ITSN1: variants seen among roughly 807,000 people sequenced by gnomAD.
ITSN1 encodes intersectin-1.
In ITSN1, 58 loss-of-function variants were observed where a neutral mutation model predicts 239.8. The observed-to-expected ratio is 0.24, with a 90% CI of 0.20 to 0.30. ITSN1 has a LOEUF of 0.30. Among genes scored for constraint, ITSN1 ranks in the 10% least tolerant of loss-of-function variants. The pLI is 1.00. For missense variants in ITSN1, 1,558 were observed against 2,103.3 expected, an observed-to-expected ratio of 0.74 and a Z score of 5.07; for synonymous variants, 780 against 770.8, an observed-to-expected ratio of 1.01 and a Z score of -0.20.
Position 33,781,458 on chromosome 21 carries a change from C to T in ITSN1, c.1597-3C>T, listed in dbSNP as rs746851508. 2.9e-5 allele frequency: 45 copies of T among 1,551,036 alleles called. No individual in the cohort carries two copies. Among genetic ancestry groups the T allele is most frequent in the Non-Finnish European group, 3.6e-5 (41 of 1,128,498 alleles). On this transcript the variant is annotated splice_polypyrimidine_tract_variant and splice_region_variant and intron_variant, in intron 14 of 39. Transcript: ENST00000381318. ...CATTACTATTTTCCTCCTTCCTTCC[C>T]AGGAATCTCAGCAAATGCTTGGAAG...
chr21:33,679,949 G>A (rs1386077276), intron 1 of ITSN1, among the ~76,000 whole-genome samples: 3 of 151,982 alleles, frequency 2.0e-5, no homozygotes, highest in Non-Finnish European at 4.4e-5. Context: ...CCGCCTGTCT[G>A]GTCCTCCCAA....
intron 18 of ITSN1, among the ~76,000 whole-genome samples, chr21:33,799,339 A>T (rs143786706): frequency 6.6e-6 from 1 of 152,232 alleles, no homozygotes; most frequent in Admixed American, 6.5e-5. Flanking sequence ...AGCCTAAAAC[A>T]TCTGCATTTT....
At chr21:33,810,838 C>T (rs1038248235) in intron 20 of ITSN1, 137 bp from the exon 21 acceptor site, 1 of 1,001,458 alleles carries the variant, frequency 1.0e-6, no homozygotes, top group South Asian at 1.3e-5. Context: ...TTCCCAGACA[C>T]TTGGACTAAG....
At chr21:33,829,489 CGTT>C (rs1004601776) in intron 26 of ITSN1, 132 bp from the exon 27 acceptor site, 2 of 901,350 alleles carry the variant, frequency 2.2e-6, no homozygotes, top group African/African-American at 1.7e-5. Context: ...GAGCCTTACT[CGTT>C]GGGTAGAAAT....
chr21:33,728,131 A>G (rs985890104), intron 4 of ITSN1, among the ~76,000 whole-genome samples: 2 of 151,918 alleles, frequency 1.3e-5, no homozygotes, highest in Non-Finnish European at 2.9e-5. Context: ...TGCCTGGCTA[A>G]TTTTTGTATT....
At chr21:33,825,840 G>T (rs999727971) in intron 25 of ITSN1, among the ~76,000 whole-genome samples, 15 of 152,124 alleles carry the variant, frequency 9.9e-5, no homozygotes, top group African/African-American at 3.4e-4. Flanking sequence ...ACTTTTCCTG[G>T]TAAATGTTTC....
chr21:33,756,551 A>T (rs753048794), intron 8 of ITSN1, among the ~76,000 whole-genome samples: 7 of 152,168 alleles, frequency 4.6e-5, no homozygotes, highest in Non-Finnish European at 7.3e-5. Flanking sequence ...TCCCAAAAGA[A>T]AAAAGGTATC....
At chr21:33,795,058 G>GTATT (rs1280320329) in intron 17 of ITSN1, among the ~76,000 whole-genome samples, 1 of 152,084 alleles carries the variant, frequency 6.6e-6, no homozygotes, top group Non-Finnish European at 1.5e-5. Flanking sequence ...TTGTTACTGG[G>GTATT]TATTTGCCTT....
At chr21:33,863,599 G>A (rs938810574) in intron 31 of ITSN1, among the ~76,000 whole-genome samples, 2 of 152,214 alleles carry the variant, frequency 1.3e-5, no homozygotes, top group African/African-American at 4.8e-5. Context: ...CTGCACTCCA[G>A]CCTGGGCTAC....
intron 1 of ITSN1, among the ~76,000 whole-genome samples, chr21:33,691,039 C>T (rs1240546334): frequency 6.6e-6 from 1 of 151,390 alleles, no homozygotes; most frequent in Admixed American, 6.6e-5. Flanking sequence ...AGGCTGGTGG[C>T]CTTTCTTCCA....
intron 34 of ITSN1, among the ~76,000 whole-genome samples, chr21:33,876,210 CTCT>C (rs1983842312): frequency 1.4e-5 from 1 of 72,610 alleles, no homozygotes; most frequent in Non-Finnish European, 2.4e-5. Context: ...CTTCCTTCCT[CTCT>C]TCTTTTTCTC....
chr21:33,667,118 A>G (rs1601526674), intron 1 of ITSN1, among the ~76,000 whole-genome samples: 1 of 148,672 alleles, frequency 6.7e-6, no homozygotes, highest in African/African-American at 2.5e-5. Context: ...ATAAGCCACC[A>G]CACCCAGCCT....
intron 22 of ITSN1, chr21:33,817,276 C>T: frequency 2.3e-6 from 3 of 1,304,398 alleles, no homozygotes; most frequent in Non-Finnish European, 3.0e-6. Flanking sequence ...CCACATGCAG[C>T]CCCGGATTGT....
At chr21:33,683,674 G>A (rs2091091206) in intron 1 of ITSN1, among the ~76,000 whole-genome samples, 1 of 151,826 alleles carries the variant, frequency 6.6e-6, no homozygotes, top group African/African-American at 2.4e-5. Flanking sequence ...GTTACTAAAA[G>A]GTACCTTTTG....
intron 1 of ITSN1, among the ~76,000 whole-genome samples, chr21:33,671,017 G>T (rs917090119): frequency 6.6e-6 from 1 of 152,218 alleles, no homozygotes; most frequent in Non-Finnish European, 1.5e-5. Flanking sequence ...TTGTGATTCT[G>T]TGTGAAATGG....
rs561494882 is a variant in ITSN1 at position 33,888,459 on chromosome 21, G to A, written c.*159G>A. The A allele has an allele frequency of 1.2e-4, 85 of 693,274 alleles. No homozygotes were observed. In the South Asian group the frequency reaches 1.5e-3, roughly 12 times the overall value. 42.9% of individuals were successfully genotyped at this position (693,274 alleles called of 1,614,324 possible). ...CTCAAAGCTCCTAGGAATCATTCTCGACAATCCTCCCTGCCCCGAAACAAT... is the reference window on the plus strand; with the variant it reads ...CTCAAAGCTCCTAGGAATCATTCTCAACAATCCTCCCTGCCCCGAAACAAT... On this transcript the variant is annotated 3_prime_UTR_variant, in exon 40 of 40. Coordinates refer to ENST00000381318, the MANE Select transcript of ITSN1 (RefSeq NM_003024.3).
At chr21:33,864,723 C>A (rs182315870) in intron 31 of ITSN1, among the ~76,000 whole-genome samples, 2 of 152,260 alleles carry the variant, frequency 1.3e-5, no homozygotes, top group East Asian at 3.9e-4. Flanking sequence ...TAATTATGTT[C>A]TTTTTAGCCA....
intron 27 of ITSN1, among the ~76,000 whole-genome samples, chr21:33,832,368 A>G (rs2074345578): frequency 6.6e-6 from 1 of 152,192 alleles, no homozygotes; most frequent in Admixed American, 6.5e-5. Flanking sequence ...CTTTCTGTGC[A>G]CATTTCTTAC....
rs776447980 is a variant in ITSN1, at chr21:33,797,353, C to G, written c.1953-26C>G. The G allele has an allele frequency of 1.2e-6, 2 of 1,601,136 alleles. No homozygotes were observed. Among genetic ancestry groups the G allele is most frequent in the Non-Finnish European group, 1.7e-6 (2 of 1,169,462 alleles). ...GTGTTAACTTAGAGTTGCTTTCTTG[C>G]TGTAATCAAGCGTGTTTGTTGGCAG... is the stretch of plus-strand genomic sequence containing the variant. On this transcript the variant is annotated intron_variant, in intron 17 of 39. Transcript: ENST00000381318. This position sits in a 1 kb window ranked among gnomAD's most constrained non-coding sequence, Gnocchi z 4.9.
Sources: allele counts gnomAD v4.1 joint callset (sites outside exome capture counted in the v4.1 genomes callset), GRCh38; gene constraint gnomAD v4.1.1; non-coding constraint Gnocchi (gnomAD v3.1); transcripts MANE v1.5; gene names NCBI Gene and HGNC (gene_info 2026-07-23, HGNC 2026-07-21).